Variants in MCUB observed in about 807,000 individuals in gnomAD.
MCUB encodes calcium uniporter regulatory subunit MCUb, mitochondrial.
MCUB carries 46 observed loss-of-function variants against 41.4 expected under a neutral mutation model. The observed-to-expected ratio is 1.11, with a 90% CI of 0.88 to 1.42. The LOEUF is 1.42. Ranked by LOEUF, MCUB falls within the 40% of genes most tolerant of loss-of-function variation. MCUB has a pLI of 0.00. For missense variants in MCUB, 403 were observed against 404.9 expected, an observed-to-expected ratio of 1.00 and a Z score of 0.04; for synonymous variants, 148 against 148.2, an observed-to-expected ratio of 1.00 and a Z score of 0.01.
chr4:109,598,561 G>C (rs894098120), intron 1 of MCUB, among the ~76,000 whole-genome samples: 2 of 152,126 alleles, frequency 1.3e-5, no homozygotes, highest in Non-Finnish European at 2.9e-5. Context: ...GTCCAGCTTC[G>C]GCTGGGCATG....
intron 1 of MCUB, among the ~76,000 whole-genome samples, chr4:109,626,516 TAAAAA>T (rs1279880184): frequency 1.3e-5 from 2 of 151,840 alleles, no homozygotes; most frequent in African/African-American, 4.8e-5. Flanking sequence ...TTTTTTTAAT[TAAAAA>T]GAAATCCTGG....
At chr4:109,583,079 G>A (rs982922450) in intron 1 of MCUB, among the ~76,000 whole-genome samples, 1 of 152,080 alleles carries the variant, frequency 6.6e-6, no homozygotes, top group Non-Finnish European at 1.5e-5. Flanking sequence ...CTTTAAAGTA[G>A]TTTTTTCCAA....
chr4:109,650,867 A>G (rs1358377351), intron 1 of MCUB, among the ~76,000 whole-genome samples: 2 of 152,080 alleles, frequency 1.3e-5, no homozygotes, highest in Admixed American at 1.3e-4. Flanking sequence ...AAAGATTACA[A>G]TTATTTTGTA....
chr4:109,591,396 G>C (rs1727434715), intron 1 of MCUB, among the ~76,000 whole-genome samples: 1 of 151,964 alleles, frequency 6.6e-6, no homozygotes. Flanking sequence ...ATATTGGCCA[G>C]GCTGGTCTTA....
intron 1 of MCUB, among the ~76,000 whole-genome samples, chr4:109,604,422 T>A (rs927035334): frequency 1.3e-5 from 2 of 151,894 alleles, no homozygotes; most frequent in African/African-American, 4.8e-5. Flanking sequence ...TTTGGTGGAG[T>A]CTGTAGGCTT....
rs140006857 is a variant in MCUB at position 109,564,430 on chromosome 4, G to A, written c.99+3994G>A. 6.6e-5 allele frequency among the ~76,000 whole-genome samples: 10 copies of A among 152,260 alleles called. No individual in the cohort carries two copies. In the East Asian group the frequency reaches 9.6e-4, roughly 15 times the overall value. On this transcript the variant is annotated intron_variant, in intron 1 of 7. Coordinates refer to ENST00000394650, the MANE Select transcript of MCUB (RefSeq NM_017918.5). ...TGGGATTACAAGCATGAGACACTGC[G>A]CCCGGCTGGCTATATGCATTTCAAG...
At chr4:109,682,787 T>C in intron 5 of MCUB, 45 bp downstream of exon 5, 1 of 1,469,458 alleles carries the variant, frequency 6.8e-7, no homozygotes, top group East Asian at 2.3e-5. Flanking sequence ...TAATACCTAG[T>C]GTTTATTGAG....
At chr4:109,682,531 C>G in intron 4 of MCUB, 51 bp from the exon 5 acceptor site, 1 of 1,475,476 alleles carries the variant, frequency 6.8e-7, no homozygotes, top group Non-Finnish European at 9.2e-7. Flanking sequence ...ATTTACACAC[C>G]CTGCGGGAAC....
intron 1 of MCUB, among the ~76,000 whole-genome samples, chr4:109,597,296 C>G (rs1203568114): frequency 6.6e-6 from 1 of 151,850 alleles, no homozygotes; most frequent in Non-Finnish European, 1.5e-5. Context: ...TCCTCACTTC[C>G]CAGTAGGGGC....
chr4:109,626,499 G>A (rs1728361677), intron 1 of MCUB, among the ~76,000 whole-genome samples: 1 of 151,824 alleles, frequency 6.6e-6, no homozygotes, highest in East Asian at 1.9e-4. Flanking sequence ...TTGAGAATCA[G>A]GATTTTTTTT....
Position 109,586,037 on chromosome 4 carries a change from T to C in MCUB, c.99+25601T>C, listed in dbSNP as rs147393849. Among the ~76,000 whole-genome samples the C allele has an allele frequency of 1.3e-4, 20 of 152,168 alleles. No individual in the cohort carries two copies. In the East Asian group the frequency reaches 3.5e-3, roughly 26 times the overall value. ...TTCTCCTGGATAATATCCTAAAGAG[T>C]GTTTTCGTTTTCCAACTTGGTTCCA... On this transcript the variant is annotated intron_variant, in intron 1 of 7. Transcript: ENST00000394650.
At chr4:109,618,400 C>T (rs1463988820) in intron 1 of MCUB, among the ~76,000 whole-genome samples, 3 of 152,188 alleles carry the variant, frequency 2.0e-5, no homozygotes, top group African/African-American at 7.2e-5. Flanking sequence ...CTCAGTAATG[C>T]TCTTACATTA....
intron 1 of MCUB, among the ~76,000 whole-genome samples, chr4:109,646,359 AC>A (rs1728837747): frequency 6.6e-6 from 1 of 152,024 alleles, no homozygotes; most frequent in South Asian, 2.1e-4. Flanking sequence ...CTGAAGTCAC[AC>A]CCAGGAGTTG....
chr4:109,571,367 C>T (rs1726910272), intron 1 of MCUB, among the ~76,000 whole-genome samples: 1 of 152,104 alleles, frequency 6.6e-6, no homozygotes, highest in Admixed American at 6.6e-5. Context: ...GGCTGGGGTG[C>T]AGTGGTGCGA....
At chr4:109,665,907 A>G (rs1345906221) in intron 4 of MCUB, among the ~76,000 whole-genome samples, 1 of 151,910 alleles carries the variant, frequency 6.6e-6, no homozygotes, top group East Asian at 1.9e-4. Context: ...AACAGGGAAA[A>G]TACTAAACAG....
chr4:109,586,478 T>C (rs1215756410), intron 1 of MCUB, among the ~76,000 whole-genome samples: 5 of 152,220 alleles, frequency 3.3e-5, no homozygotes, highest in Non-Finnish European at 5.9e-5. Flanking sequence ...TCATTCTCCG[T>C]CCAGCTTTGT....
At chr4:109,594,041 A>C (rs1347542806) in intron 1 of MCUB, among the ~76,000 whole-genome samples, 1 of 152,204 alleles carries the variant, frequency 6.6e-6, no homozygotes, top group Non-Finnish European at 1.5e-5. Context: ...GCAAAGGGTT[A>C]CTCAGTCTCA....
At chr4:109,678,238 A>G (rs1393449855) in intron 4 of MCUB, among the ~76,000 whole-genome samples, 1 of 151,868 alleles carries the variant, frequency 6.6e-6, no homozygotes, top group Non-Finnish European at 1.5e-5. Context: ...CACAGTAACA[A>G]TCTGATCTCT....
intron 1 of MCUB, 107 bp from the exon 2 acceptor site, chr4:109,658,904 A>T (rs1426732682): frequency 2.7e-6 from 2 of 739,498 alleles, no homozygotes; most frequent in Non-Finnish European, 4.6e-6. Flanking sequence ...GTTTTTCATT[A>T]TGCTTTTCAT....
Sources: gnomAD v4.1 joint callset for allele counts (sites outside exome capture counted in the v4.1 genomes callset) on GRCh38, gnomAD v4.1.1 for gene constraint, MANE v1.5 for transcripts, NCBI Gene and HGNC (gene_info 2026-07-23, HGNC 2026-07-21) for gene names.